The following GALNT9 variants were observed in gnomAD, a reference collection of about 807,000 sequenced individuals.
GALNT9 encodes the protein GalNAc transferase 9.
In GALNT9, 47 loss-of-function variants were observed where a neutral mutation model predicts 63.1. That is an observed-to-expected ratio of 0.75 (90% CI 0.59 to 0.95). The LOEUF (loss-of-function observed/expected upper bound fraction) is 0.95. GALNT9 is among the 40% of genes least tolerant of loss of function. The probability of loss-of-function intolerance (pLI) is 0.00; values close to 1 mark genes in which losing one functional copy is unlikely to be tolerated. For synonymous variants in GALNT9, 396 were observed against 365.7 expected (o/e 1.08, Z -0.94); for missense variants, 829 against 874.8 (o/e 0.95, Z 0.66).
At position 132,265,221 on chromosome 12, in the gene GALNT9, C is replaced by T. The variant is rs553315340; in HGVS notation, c.420-2596G>A. On this transcript the variant is annotated intron_variant, in intron 2 of 10. Transcript: ENST00000328957. The surrounding 1 kb of genome is among the most constrained non-coding windows in gnomAD (Gnocchi z 5.3). Reference sequence around the variant, plus strand: ...GCAAGTCGCTCACCCCGAAGTTCAGCCCCCAGCCTTGTCCTCCTGCGCTCC... The same window carrying T: ...GCAAGTCGCTCACCCCGAAGTTCAGTCCCCAGCCTTGTCCTCCTGCGCTCC... Among the ~76,000 whole-genome samples the T allele has an allele frequency of 6.6e-6, 1 of 152,294 alleles. No homozygotes were observed. Among genetic ancestry groups the T allele is most frequent in the East Asian group, 1.9e-4 (1 of 5,170 alleles).
intron 4 of GALNT9, 93 bp downstream of exon 4, chr12:132,260,855 C>G: frequency 7.0e-7 from 1 of 1,428,680 alleles, no homozygotes; most frequent in Non-Finnish European, 9.1e-7. Flanking sequence ...GGGGCCAACC[C>G]AGCGGCCAGG....
chr12:132,227,360 C>T (rs923363521), intron 6 of GALNT9, among the ~76,000 whole-genome samples: 21,193 of 152,136 alleles, frequency 0.14, 1,721 homozygotes, highest in Non-Finnish European at 0.18. Flanking sequence ...ACCCTCTCCC[C>T]GGCCCAGCTC....
rs528780760 is a variant in GALNT9, at chr12:132,283,918, C to T, written c.419+2332G>A. ...TCTGTCCTTCTAGCAAGTTGTGGAC[C>T]GTCAAGGTGGTCTCGGGGGTCTTCC... is the stretch of plus-strand genomic sequence containing the variant. On this transcript the variant is annotated intron_variant, in intron 2 of 10. Coordinates refer to ENST00000328957, the MANE Select transcript of GALNT9 (RefSeq NM_001122636.2). The T allele has an allele frequency of 7.9e-5, 12 of 152,264 alleles. No homozygotes were observed. The South Asian group carries it at 8.3e-4, about 11-fold the overall frequency. The allele number at this position is 152,264 out of a possible 1,614,324, so 9.4% of individuals were successfully genotyped here.
chr12:132,308,047 AAC>A (rs1384394631), intron 1 of GALNT9, among the ~76,000 whole-genome samples: 5 of 135,830 alleles, frequency 3.7e-5, no homozygotes, highest in African/African-American at 8.3e-5. Context: ...AAAAAAAAAA[AAC>A]AAAAAAACAC....
At chr12:132,291,368 C>T (rs868915237) in intron 1 of GALNT9, among the ~76,000 whole-genome samples, 21 of 78,782 alleles carry the variant, frequency 2.7e-4, no homozygotes, top group African/African-American at 8.1e-4. Flanking sequence ...ACAGCACCCA[C>T]GTCCACAGCA....
chr12:132,217,565 C>G (rs893315682), intron 6 of GALNT9, among the ~76,000 whole-genome samples: 3 of 148,928 alleles, frequency 2.0e-5, no homozygotes, highest in African/African-American at 5.0e-5. Flanking sequence ...CTCTATCCAT[C>G]TATCCATCCA....
At chr12:132,205,917 A>C (rs1471397299) in intron 6 of GALNT9, 1 of 151,940 alleles carries the variant, frequency 6.6e-6, no homozygotes, top group South Asian at 2.1e-4. Flanking sequence ...AGGAGGGGGG[A>C]AGCACCTCGG....
rs117248946 is a variant in GALNT9 at position 132,270,372 on chromosome 12, C to T, written c.420-7747G>A. Among the ~76,000 whole-genome samples the T allele has an allele frequency of 6.5e-4, 99 of 152,350 alleles. 1 individual carries two copies. In the East Asian group the frequency reaches 0.017, roughly 27 times the overall value. Reference sequence around the variant, plus strand: ...CCGGCACAGAATCCTGCAGGCTTCACAGAGCCCTGCCCAGGGGCAAACCAG... The same window carrying T: ...CCGGCACAGAATCCTGCAGGCTTCATAGAGCCCTGCCCAGGGGCAAACCAG... On this transcript the variant is annotated intron_variant, in intron 2 of 10. Transcript: ENST00000328957.
chr12:132,329,262 C>G lies in GALNT9; in HGVS notation c.-59G>C. 6.6e-7 allele frequency: 1 copy of G among 1,508,886 alleles called. No individual in the cohort carries two copies. Among genetic ancestry groups the G allele is most frequent in the Non-Finnish European group, 8.9e-7 (1 of 1,123,958 alleles). 93.5% of individuals were successfully genotyped at this position (1,508,886 alleles called of 1,614,324 possible). A position where few individuals can be genotyped will look rare whatever the true frequency, so the allele number is the denominator to read the frequency against. On this transcript the variant is annotated 5_prime_UTR_variant, in exon 1 of 11. Transcript: ENST00000328957. ...GCATCCCCAGCATCCCCGCCCGGGCCTGGGCTTCAGCTTCGGCTTCGGGGA... is the reference window on the plus strand; with the variant it reads ...GCATCCCCAGCATCCCCGCCCGGGCGTGGGCTTCAGCTTCGGCTTCGGGGA...
At chr12:132,260,854 C>A (rs782046502) in intron 4 of GALNT9, 94 bp downstream of exon 4, 21 of 1,428,600 alleles carry the variant, frequency 1.5e-5, no homozygotes, top group Non-Finnish European at 1.9e-5. Flanking sequence ...CGGGGCCAAC[C>A]CAGCGGCCAG....
At chr12:132,275,873 CATGTGTGTGTGCCCAGGT>C (rs1367039253) in intron 2 of GALNT9, 1 of 152,686 alleles carries the variant, frequency 6.5e-6, no homozygotes, top group African/African-American at 2.4e-5. Context: ...GCTGCGTGTG[CATGTGTGTGTGCCCAGGT>C]GTGTGTGTGG....
At chr12:132,235,503 G>A (rs891631319) in intron 6 of GALNT9, among the ~76,000 whole-genome samples, 2 of 152,078 alleles carry the variant, frequency 1.3e-5, no homozygotes, top group East Asian at 1.9e-4. Context: ...GGCACAGCTC[G>A]GAGGTGGGGA....
chr12:132,239,539 C>A (rs2136897108), intron 6 of GALNT9, among the ~76,000 whole-genome samples: 15 of 147,892 alleles, frequency 1.0e-4, no homozygotes, highest in Admixed American at 3.4e-4. Flanking sequence ...TACAGAGAGA[C>A]AGAGTCAGAG....
chr12:132,297,132 C>A (rs1277172135), intron 1 of GALNT9, among the ~76,000 whole-genome samples: 1 of 149,066 alleles, frequency 6.7e-6, no homozygotes, highest in African/African-American at 2.5e-5. Context: ...ACTCCCACCA[C>A]AACCGACTCA....
At chr12:132,248,169 C>A in intron 5 of GALNT9, 142 bp from the exon 6 acceptor site, 1 of 1,308,326 alleles carries the variant, frequency 7.6e-7, no homozygotes, top group Non-Finnish European at 1.0e-6. Flanking sequence ...TCCCTGTGCT[C>A]AAGGTGAGGG....
chr12:132,203,954 G>A (rs1226114586), intron 6 of GALNT9, among the ~76,000 whole-genome samples: 3 of 152,084 alleles, frequency 2.0e-5, no homozygotes, highest in South Asian at 2.1e-4. Flanking sequence ...GGGGAGGGGG[G>A]TTTATTCTAC....
At chr12:132,324,283 C>T (rs1761474151) in intron 1 of GALNT9, among the ~76,000 whole-genome samples, 1 of 152,172 alleles carries the variant, frequency 6.6e-6, no homozygotes, top group African/African-American at 2.4e-5. Context: ...CCGAGACGCA[C>T]GCGTGGCGGC....
intron 10 of GALNT9, 94 bp from the exon 11 acceptor site, chr12:132,197,347 G>GT: frequency 6.5e-7 from 1 of 1,536,176 alleles, no homozygotes; most frequent in African/African-American, 1.4e-5. Flanking sequence ...CTCAGCCCTC[G>GT]TGCTCATTCT....
At chr12:132,306,137 C>T (rs571554432) in intron 1 of GALNT9, among the ~76,000 whole-genome samples, 2 of 152,342 alleles carry the variant, frequency 1.3e-5, no homozygotes, top group Non-Finnish European at 1.5e-5. Flanking sequence ...CGGGTCAGAG[C>T]CCCCGTGGGG....
Sources: gnomAD v4.1 joint callset for allele counts (sites outside exome capture counted in the v4.1 genomes callset) on GRCh38, gnomAD v4.1.1 for gene constraint, Gnocchi (gnomAD v3.1) non-coding constraint, MANE v1.5 for transcripts, NCBI Gene and HGNC (gene_info 2026-07-23, HGNC 2026-07-21) for gene names.